The following NRG1 variants were observed in gnomAD, a reference collection of about 807,000 sequenced individuals.
NRG1 encodes the protein pro-neuregulin-1, membrane-bound isoform.
NRG1 carries 18 observed loss-of-function variants against 63.8 expected under a neutral mutation model. The observed-to-expected ratio is 0.28, with a 90% CI of 0.19 to 0.42. NRG1 has a LOEUF of 0.42. Among genes scored for constraint, NRG1 ranks in the 10% least tolerant of loss-of-function variants. The pLI is 1.00. For missense variants in NRG1, 762 were observed against 814.7 expected, an observed-to-expected ratio of 0.94 and a Z score of 0.79; for synonymous variants, 302 against 301.3, an observed-to-expected ratio of 1.00 and a Z score of -0.02.
intron 1 of NRG1, among the ~76,000 whole-genome samples, chr8:31,694,504 G>A (rs556310792): frequency 6.6e-6 from 1 of 152,302 alleles, no homozygotes; most frequent in African/African-American, 2.4e-5. Flanking sequence ...CTTTTGGAGA[G>A]GGCAGAGTGA....
chr8:31,970,180 A>T (rs974564628), intron 1 of NRG1, among the ~76,000 whole-genome samples: 2 of 152,164 alleles, frequency 1.3e-5, no homozygotes, highest in Non-Finnish European at 2.9e-5. Context: ...GAAAATATTA[A>T]TTCATCCTCT....
intron 1 of NRG1, among the ~76,000 whole-genome samples, chr8:31,857,612 C>G (rs1038970616): frequency 3.3e-5 from 5 of 152,218 alleles, no homozygotes; most frequent in Non-Finnish European, 5.9e-5. Context: ...CAGAGCTGTT[C>G]CTATTCGGCC....
chr8:31,732,104 A>G (rs998506368), intron 1 of NRG1, among the ~76,000 whole-genome samples: 1 of 152,092 alleles, frequency 6.6e-6, no homozygotes, highest in Non-Finnish European at 1.5e-5. Context: ...TTTTTCCATA[A>G]AAACAGTGCC....
At chr8:32,133,868 C>G (rs563710959) in intron 1 of NRG1, among the ~76,000 whole-genome samples, 1 of 152,188 alleles carries the variant, frequency 6.6e-6, no homozygotes, top group Admixed American at 6.5e-5. Flanking sequence ...ATAGATTATT[C>G]AAAAATGGGT....
intron 1 of NRG1, among the ~76,000 whole-genome samples, chr8:32,014,802 A>AGATGATCT (rs1563681147): frequency 4.6e-5 from 7 of 150,790 alleles, no homozygotes; most frequent in African/African-American, 1.7e-4. Flanking sequence ...GCAGATGATC[A>AGATGATCT]TCTTAAGATG....
In NRG1 at chr8:31,864,684, A is replaced by T. The variant is rs80173786; in HGVS notation, c.37+225253A>T. Among the ~76,000 whole-genome samples the T allele has an allele frequency of 1.4e-4, 22 of 152,314 alleles. 1 individual carries two copies. The East Asian group carries it at 2.9e-3, about 20-fold the overall frequency. ...AGTTCTGTAGGACCTGTAGCCATTT[A>T]AAAATGTTTAGTTATTAACTTAGAA... On this transcript the variant is annotated intron_variant, in intron 1 of 10. Coordinates refer to the NRG1 transcript ENST00000519301.
At position 32,287,952 on chromosome 8, in the gene NRG1, C is replaced by CTA. The variant is rs921242388; in HGVS notation, c.38-307867_38-307866dup. 7.2e-5 allele frequency among the ~76,000 whole-genome samples: 11 copies of CTA among 152,110 alleles called. 2 individuals are homozygous for CTA. The highest frequency in any genetic ancestry group is 6.6e-4 in the Admixed American group (10 of 15,264). Reference sequence around the variant, plus strand: ...CTGTTCAAAATTAACTACTCTCTCACTATATATATAGCATTGTATTTTCAG... The same window carrying CTA: ...CTGTTCAAAATTAACTACTCTCTCACTATATATATATAGCATTGTATTTTCAG... On this transcript the variant is annotated intron_variant, in intron 1 of 10. Transcript: ENST00000519301.
At chr8:31,711,250 T>G (rs985624425) in intron 1 of NRG1, among the ~76,000 whole-genome samples, 1 of 152,214 alleles carries the variant, frequency 6.6e-6, no homozygotes. Flanking sequence ...GTCATATTTA[T>G]TTGGCTGAAG....
At chr8:32,443,411 T>C (rs1259055488) in intron 1 of NRG1, among the ~76,000 whole-genome samples, 1 of 152,108 alleles carries the variant, frequency 6.6e-6, no homozygotes, top group Admixed American at 6.6e-5. Context: ...GAAGCATAAG[T>C]AAAGAAATAG....
chr8:32,124,379 T>A lies in NRG1; in HGVS notation c.38-471449T>A, dbSNP rs142873216. ...CTCCAAGCCTGACACTCGGTTGAAG[T>A]CTGAGGACTTCACTGAGGACAAAGA... On this transcript the variant is annotated intron_variant, in intron 1 of 10. Transcript: ENST00000519301. Among the ~76,000 whole-genome samples the A allele has an allele frequency of 9.0e-4, 137 of 151,900 alleles. 2 individuals carry two copies. The East Asian group carries it at 0.023, about 25-fold the overall frequency.
chr8:32,412,423 C>CATATATATAT (rs1178545836), intron 1 of NRG1, among the ~76,000 whole-genome samples: 16 of 93,032 alleles, frequency 1.7e-4, no homozygotes, highest in African/African-American at 6.2e-4. Context: ...TCTCTCTCTA[C>CATATATATAT]ATATATATAT....
intron 11 of NRG1, chr8:32,763,382 C>A: frequency 6.2e-7 from 1 of 1,609,478 alleles, no homozygotes; most frequent in Non-Finnish European, 8.5e-7. Context: ...AGTAATACTT[C>A]TTTCCCTTCC....
chr8:31,751,266 T>G (rs749403373), intron 1 of NRG1, among the ~76,000 whole-genome samples: 6 of 151,996 alleles, frequency 3.9e-5, no homozygotes, highest in Non-Finnish European at 7.4e-5. Flanking sequence ...AATTTGTAAA[T>G]TAGTCCCAAA....
intron 1 of NRG1, among the ~76,000 whole-genome samples, chr8:32,346,624 C>T (rs1340394649): frequency 6.6e-6 from 1 of 151,576 alleles, no homozygotes; most frequent in Non-Finnish European, 1.5e-5. Context: ...TGGATATTTT[C>T]CTCACCAAAT....
At chr8:31,907,896 A>C (rs915061147) in intron 1 of NRG1, among the ~76,000 whole-genome samples, 1 of 152,140 alleles carries the variant, frequency 6.6e-6, no homozygotes. Context: ...TCATCACTGT[A>C]TGCCTTCTTC....
At chr8:32,584,477 CTG>C in intron 1 of NRG1, among the ~76,000 whole-genome samples, 1 of 152,184 alleles carries the variant, frequency 6.6e-6, no homozygotes, top group Non-Finnish European at 1.5e-5. Flanking sequence ...TTACTTAAAA[CTG>C]TAGTGAACAG....
upstream of NRG1, chr8:32,548,188 TG>T (rs1833322551): frequency 1.1e-5 from 10 of 948,796 alleles, no homozygotes; most frequent in Non-Finnish European, 1.1e-5. Flanking sequence ...GGTGGGGGTG[TG>T]GTGGGGAAGA....
intron 1 of NRG1, among the ~76,000 whole-genome samples, chr8:32,462,926 T>A (rs1001444126): frequency 6.6e-6 from 1 of 152,092 alleles, no homozygotes; most frequent in East Asian, 1.9e-4. Flanking sequence ...TTCTACATGA[T>A]TACAAGTTTG....
intron 1 of NRG1, among the ~76,000 whole-genome samples, chr8:32,066,329 T>G (rs1432527470): frequency 4.6e-5 from 7 of 152,182 alleles, no homozygotes; most frequent in South Asian, 2.1e-4. Flanking sequence ...GGTCTAACAT[T>G]TAAGTCTTTA....
Sources: allele counts gnomAD v4.1 joint callset (sites outside exome capture counted in the v4.1 genomes callset), GRCh38; gene constraint gnomAD v4.1.1; transcripts MANE v1.5; gene names NCBI Gene and HGNC (gene_info 2026-07-23, HGNC 2026-07-21).